Variants in SAP130 observed in about 807,000 individuals in gnomAD.
SAP130 encodes the protein histone deacetylase complex subunit SAP130.
In SAP130, 16 loss-of-function variants were observed where a neutral mutation model predicts 103.2. That is an observed-to-expected ratio of 0.16 (90% confidence interval 0.10 to 0.24). The LOEUF (loss-of-function observed/expected upper bound fraction) is 0.24, where lower values mean the gene tolerates loss of function less well. SAP130 is among the 10% of genes least tolerant of loss of function. SAP130 has a pLI of 1.00. For missense variants in SAP130, 990 were observed against 1,359.7 expected, an observed-to-expected ratio of 0.73 and a Z score of 4.28; for synonymous variants, 477 against 497.0, an observed-to-expected ratio of 0.96 and a Z score of 0.53.
At chr2:127,982,546 G>A (rs989352763) in intron 14 of SAP130, among the ~76,000 whole-genome samples, 2 of 152,286 alleles carry the variant, frequency 1.3e-5, no homozygotes, top group Non-Finnish European at 2.9e-5. Flanking sequence ...GAAGAAGCCT[G>A]GGAGTTTTGA....
chr2:127,964,292 G>A (rs1363528610), intron 15 of SAP130, among the ~76,000 whole-genome samples: 4 of 151,914 alleles, frequency 2.6e-5, no homozygotes, highest in African/African-American at 9.7e-5. Flanking sequence ...TCAGGAGTTC[G>A]AGACCAGCCT....
At chr2:127,997,614 G>GT in intron 10 of SAP130, among the ~76,000 whole-genome samples, 1 of 152,188 alleles carries the variant, frequency 6.6e-6, no homozygotes. Context: ...GCATGATAGG[G>GT]TTTTCCATCA....
Position 128,014,827 on chromosome 2 carries a change from T to A in SAP130, c.595A>T (p.Ile199Phe). The change falls in exon 5 of 21, where the codon ATT (isoleucine) becomes TTT (phenylalanine). Residue 199 changes from isoleucine to phenylalanine, a missense_variant. Around this residue, in one of 6 missense-constraint regions of SAP130, gnomAD observed 336 missense variants for 520.1 expected, o/e 0.65. Transcript: ENST00000643581. Reference protein sequence around the residue: ...RSNAPGPPLHIGASHLPRGAA... With the variant: ...RSNAPGPPLHFGASHLPRGAA... ...CCTCGAGGTAAATGAGAAGCTCCAA[T>A]GTGAAGAGGGGGCCCAGGAGCATTG... 6.2e-7 allele frequency: 1 copy of A among 1,613,926 alleles called. No homozygotes were observed. Among genetic ancestry groups the A allele is most frequent in the Non-Finnish European group, 8.5e-7 (1 of 1,179,824 alleles).
At chr2:127,952,823 T>C (rs1679584656) in intron 16 of SAP130, among the ~76,000 whole-genome samples, 1 of 152,134 alleles carries the variant, frequency 6.6e-6, no homozygotes, top group Non-Finnish European at 1.5e-5. Context: ...TTCAGCCTCC[T>C]TTGCTGGACT....
chr2:128,008,151 GA>G (rs1384353968), intron 7 of SAP130, among the ~76,000 whole-genome samples: 4 of 152,098 alleles, frequency 2.6e-5, no homozygotes, highest in Non-Finnish European at 5.9e-5. Flanking sequence ...TTGATTCAGT[GA>G]ATCTCTTCTT....
intron 7 of SAP130, among the ~76,000 whole-genome samples, chr2:128,002,916 C>T (rs990141831): frequency 3.3e-5 from 5 of 151,996 alleles, no homozygotes; most frequent in Non-Finnish European, 7.4e-5. Flanking sequence ...TGCTTGAGTC[C>T]AGGAGTTCAA....
intron 18 of SAP130, among the ~76,000 whole-genome samples, chr2:127,948,819 T>C (rs1238189765): frequency 6.6e-6 from 1 of 152,184 alleles, no homozygotes; most frequent in African/African-American, 2.4e-5. Flanking sequence ...TCAAGTTATC[T>C]TTCTTGAGAT....
chr2:127,995,745 G>A (rs927654211), intron 11 of SAP130, among the ~76,000 whole-genome samples: 2 of 152,134 alleles, frequency 1.3e-5, no homozygotes, highest in Non-Finnish European at 2.9e-5. Flanking sequence ...AGAAAAACAT[G>A]CTTTTCCAGT....
intron 18 of SAP130, among the ~76,000 whole-genome samples, chr2:127,945,946 C>T (rs1679048840): frequency 6.6e-6 from 1 of 152,110 alleles, no homozygotes; most frequent in Non-Finnish European, 1.5e-5. Context: ...AGCTGCCGTA[C>T]CTGGCCATAA....
In SAP130 at chr2:127,986,223, C is replaced by T. The variant is rs1682376779; in HGVS notation, c.1958+562G>A. ...TGGATGGCTAAACTAAAAGAGCACT[C>T]TGTAACACATGCCCACTGGGGTTTC... On this transcript the variant is annotated intron_variant, in intron 14 of 20. Coordinates refer to ENST00000643581, the MANE Select transcript of SAP130 (RefSeq NM_001330301.2). The surrounding 1 kb of genome is among the most constrained non-coding windows in gnomAD (Gnocchi z 4.7). Among the ~76,000 whole-genome samples, 1 of 152,222 alleles carries T rather than the reference C, an allele frequency of 6.6e-6. No homozygotes were observed. The highest frequency in any genetic ancestry group is 2.4e-5 in the African/African-American group (1 of 41,456).
intron 1 of SAP130, among the ~76,000 whole-genome samples, chr2:128,027,644 C>A (rs1475159455): frequency 6.8e-6 from 1 of 147,388 alleles, no homozygotes; most frequent in African/African-American, 2.5e-5. Context: ...CCCGCCCGCC[C>A]GCGCTCCCCC....
In SAP130 at chr2:127,989,501, G is replaced by T; in HGVS notation, c.1780+63C>A. 5 of 1,428,730 alleles carry T rather than the reference G, an allele frequency of 3.5e-6. No homozygotes were observed. In the South Asian group the frequency reaches 6.7e-5, roughly 19 times the overall value. 88.5% of individuals were successfully genotyped at this position (1,428,730 alleles called of 1,614,324 possible). A position where few individuals can be genotyped will look rare whatever the true frequency, so the allele number is the denominator to read the frequency against. ...GACGACAAAGCCAGTGGCAGAGAAA[G>T]GATTTAAACCCAAATGTATTTCTTT... On this transcript the variant is annotated intron_variant, in intron 13 of 20. Transcript: ENST00000643581. The surrounding 1 kb of genome is among the most constrained non-coding windows in gnomAD (Gnocchi z 4.6).
intron 2 of SAP130, among the ~76,000 whole-genome samples, chr2:128,022,583 T>C (rs1478064691): frequency 6.6e-6 from 1 of 152,214 alleles, no homozygotes; most frequent in Non-Finnish European, 1.5e-5. Flanking sequence ...AACAATAAAG[T>C]ATGAGTTCTA....
intron 11 of SAP130, among the ~76,000 whole-genome samples, chr2:127,994,086 G>A (rs1031024548): frequency 1.3e-5 from 2 of 152,022 alleles, no homozygotes; most frequent in Non-Finnish European, 2.9e-5. Flanking sequence ...ATCAAATAAA[G>A]TTTATCATAG....
At chr2:128,006,655 G>A (rs1302838017) in intron 7 of SAP130, among the ~76,000 whole-genome samples, 1 of 152,104 alleles carries the variant, frequency 6.6e-6, no homozygotes, top group Non-Finnish European at 1.5e-5. Context: ...GGTGGCACGT[G>A]CCCGTAGTCC....
chr2:127,941,742 G>T lies in SAP130; in HGVS notation c.*264C>A. ...CCATCCTTGTCATTGCTTCCAACTG[G>T]TGGACACTGATGCATCCGGAGTCAC... On this transcript the variant is annotated 3_prime_UTR_variant, in exon 21 of 21. Transcript: ENST00000643581. The T allele has an allele frequency of 4.4e-6, 2 of 450,612 alleles. No homozygotes were observed. Among genetic ancestry groups the T allele is most frequent in the Non-Finnish European group, 7.8e-6 (2 of 256,998 alleles). 27.9% of individuals were successfully genotyped at this position (450,612 alleles called of 1,614,324 possible). A position where few individuals can be genotyped will look rare whatever the true frequency, so the allele number is the denominator to read the frequency against.
chr2:128,013,869 C>A (rs1399253737), intron 5 of SAP130, among the ~76,000 whole-genome samples: 1 of 152,176 alleles, frequency 6.6e-6, no homozygotes, highest in Non-Finnish European at 1.5e-5. Context: ...AATCTGAAAC[C>A]AGCCTGGGTA....
intron 5 of SAP130, among the ~76,000 whole-genome samples, chr2:128,014,262 T>A (rs951988380): frequency 3.9e-5 from 6 of 152,258 alleles, no homozygotes; most frequent in African/African-American, 1.4e-4. Context: ...TCTCGCTCTG[T>A]CACCCAGGCT....
chr2:127,956,735 G>A (rs1158002588), intron 15 of SAP130, among the ~76,000 whole-genome samples: 3 of 149,886 alleles, frequency 2.0e-5, no homozygotes, highest in South Asian at 4.2e-4. Flanking sequence ...AAAGTTGGGT[G>A]CAGTCTTGTG....
Sources: gnomAD v4.1 joint callset for allele counts (sites outside exome capture counted in the v4.1 genomes callset) on GRCh38, gnomAD v4.1.1 for gene constraint, gnomAD v4.1.1 regional missense constraint, Gnocchi (gnomAD v3.1) non-coding constraint, MANE v1.5 for transcripts, NCBI Gene and HGNC (gene_info 2026-07-23, HGNC 2026-07-21) for gene names.